COL5A2: variants seen among roughly 807,000 people sequenced by gnomAD.
The protein encoded by COL5A2 is collagen type V alpha 2 chain.
Under a neutral mutation model 208.2 loss-of-function variants are expected in COL5A2, and 23 were observed. The observed-to-expected ratio is 0.11, with a 90% CI of 0.08 to 0.16. The LOEUF (loss-of-function observed/expected upper bound fraction) is 0.16, where lower values mean the gene tolerates loss of function less well. Among genes scored for constraint, COL5A2 ranks in the 10% least tolerant of loss-of-function variants. The probability of loss-of-function intolerance (pLI) is 1.00; values close to 1 mark genes in which losing one functional copy is unlikely to be tolerated. For synonymous variants in COL5A2, 625 were observed against 628.5 expected (o/e 0.99, Z 0.08); for missense variants, 1,590 against 1,956.4 (o/e 0.81, Z 3.53).
chr2:189,179,898 CAAATCAGAACACGCGTCTCTGTGCCTG>C (rs1216787312), upstream of COL5A2: 1 of 571,150 alleles, frequency 1.8e-6, no homozygotes, highest in Non-Finnish European at 3.1e-6. Context: ...GGTAAACAAC[CAAATCAGAACACGCGTCTCTGTGCCTG>C]AACTTTCCCT....
At chr2:189,184,579 T>C (rs1432737903), upstream of COL5A2, among the ~76,000 whole-genome samples, 1 of 152,196 alleles carries the variant, frequency 6.6e-6, no homozygotes, top group African/African-American at 2.4e-5. Context: ...CCTTCCTCCA[T>C]CTGCAAAGCC....
intron 50 of COL5A2, 79 bp downstream of exon 50, chr2:189,041,507 G>A (rs1263922806): frequency 8.8e-7 from 1 of 1,131,522 alleles, no homozygotes; most frequent in Non-Finnish European, 1.4e-6. Flanking sequence ...TGTCAATCGG[G>A]CTGCACAGAC....
At chr2:189,404,022 T>C in the COL5A2 span, among the ~76,000 whole-genome samples, 108 of 152,292 alleles carry the variant, frequency 7.1e-4, no homozygotes, top group African/African-American at 2.5e-3. Flanking sequence ...TGAGCCACCA[T>C]GCCAGGCCCA....
the COL5A2 span, among the ~76,000 whole-genome samples, chr2:189,233,221 C>T: frequency 0.033 from 4,957 of 151,736 alleles, 119 homozygotes; most frequent in Admixed American, 0.047. Flanking sequence ...TCTTTTCTCT[C>T]ACTGCTTTCA....
chr2:189,289,430 A>T, the COL5A2 span, among the ~76,000 whole-genome samples: 1 of 152,150 alleles, frequency 6.6e-6, no homozygotes, highest in Admixed American at 6.6e-5. Context: ...CTAACATCAT[A>T]CTCAATTGTG....
the COL5A2 span, among the ~76,000 whole-genome samples, chr2:189,280,569 G>C: frequency 1.3e-5 from 2 of 152,086 alleles, no homozygotes; most frequent in South Asian, 4.1e-4. Flanking sequence ...AGGAGACCTA[G>C]AGTATGGCTT....
intron 1 of COL5A2, among the ~76,000 whole-genome samples, chr2:189,212,952 G>A (rs576102407): frequency 3.3e-5 from 5 of 151,706 alleles, no homozygotes; most frequent in Non-Finnish European, 5.9e-5. Context: ...GTGACAGCGC[G>A]ATCTGAGCTC....
chr2:189,409,202 CTCT>C, the COL5A2 span, among the ~76,000 whole-genome samples: 10 of 89,822 alleles, frequency 1.1e-4, no homozygotes, highest in African/African-American at 2.7e-4. Flanking sequence ...TATAAATTTA[CTCT>C]TTTTTTTTTT....
the COL5A2 span, among the ~76,000 whole-genome samples, chr2:189,365,575 A>ATTTGCT: frequency 6.6e-6 from 1 of 152,160 alleles, no homozygotes; most frequent in Admixed American, 6.5e-5. Context: ...TAAAATGGAG[A>ATTTGCT]CAATAACACT....
chr2:189,436,002 A>G, the COL5A2 span, among the ~76,000 whole-genome samples: 13 of 152,332 alleles, frequency 8.5e-5, no homozygotes, highest in South Asian at 2.5e-3. Context: ...CAGCCATAAA[A>G]AAGGATGAAT....
At chr2:189,100,742 GA>G (rs1028019512) in intron 3 of COL5A2, among the ~76,000 whole-genome samples, 2 of 150,940 alleles carry the variant, frequency 1.3e-5, no homozygotes, top group Admixed American at 6.6e-5. Flanking sequence ...GAAAATCTAG[GA>G]AAAAAAATCA....
intron 1 of COL5A2, among the ~76,000 whole-genome samples, chr2:189,114,628 AC>A (rs921267471): frequency 2.8e-5 from 4 of 141,462 alleles, no homozygotes; most frequent in African/African-American, 1.1e-4. Flanking sequence ...AAGGCCCAGG[AC>A]TTAAAAAAAA....
chr2:189,345,068 G>T, the COL5A2 span, among the ~76,000 whole-genome samples: 1 of 152,220 alleles, frequency 6.6e-6, no homozygotes, highest in African/African-American at 2.4e-5. Context: ...AGAAAGAGGA[G>T]TTGGTCAACA....
the COL5A2 span, among the ~76,000 whole-genome samples, chr2:189,370,409 A>T: frequency 3.9e-5 from 6 of 152,204 alleles, no homozygotes; most frequent in Non-Finnish European, 7.3e-5. Flanking sequence ...TCTCCTCATC[A>T]TCACATTAAT....
chr2:189,185,024 GCTA>G (rs1282597972), intron 1 of COL5A2, among the ~76,000 whole-genome samples: 1 of 151,862 alleles, frequency 6.6e-6, no homozygotes, highest in Non-Finnish European at 1.5e-5. Context: ...ACTCTAATAT[GCTA>G]CTTTTTTTTT....
chr2:189,330,618 A>G, the COL5A2 span, among the ~76,000 whole-genome samples: 4 of 152,208 alleles, frequency 2.6e-5, no homozygotes, highest in Non-Finnish European at 4.4e-5. Context: ...ATCTGACAAC[A>G]TGAGTGAAAA....
At chr2:189,064,712 G>A (rs1260453046) in intron 24 of COL5A2, 57 bp from the exon 25 acceptor site, 2 of 1,209,962 alleles carry the variant, frequency 1.7e-6, no homozygotes, top group East Asian at 2.3e-5. Context: ...ACAAAAGCAA[G>A]CAGAAGTAAA....
chr2:189,266,037 C>T, the COL5A2 span, among the ~76,000 whole-genome samples: 5 of 152,174 alleles, frequency 3.3e-5, no homozygotes, highest in East Asian at 9.7e-4. Flanking sequence ...TTAATAATAG[C>T]TAAAAGGTGA....
chr2:189,428,734 C>A, the COL5A2 span, among the ~76,000 whole-genome samples: 1 of 152,206 alleles, frequency 6.6e-6, no homozygotes, highest in African/African-American at 2.4e-5. Context: ...TGAGGCCTCC[C>A]AGAAGCTGAG....
Sources: allele counts gnomAD v4.1 joint callset (sites outside exome capture counted in the v4.1 genomes callset), GRCh38; gene constraint gnomAD v4.1.1; transcripts MANE v1.5; gene names NCBI Gene and HGNC (gene_info 2026-07-23, HGNC 2026-07-21).